Variants in P3H2 observed in about 807,000 individuals in gnomAD.
The protein encoded by P3H2 is prolyl 3-hydroxylase 2, also known as leprecan-like 1.
P3H2 carries 80 observed loss-of-function variants against 87.0 expected under a neutral mutation model. That is an observed-to-expected ratio of 0.92 (90% CI 0.77 to 1.11). The LOEUF (loss-of-function observed/expected upper bound fraction) is 1.11, where lower values mean the gene tolerates loss of function less well. P3H2 is among the 50% of genes least tolerant of loss of function. The pLI, the probability that P3H2 is intolerant of heterozygous loss-of-function variation, is 0.00. For missense variants in P3H2, 1,001 were observed against 923.9 expected (o/e 1.08, Z -1.08); for synonymous variants, 367 against 359.3 (o/e 1.02, Z -0.24).
rs181833372 is a variant in P3H2, at chr3:189,969,230, C to G, written c.1893+1586G>C. ...TAATCTGTCACCATGGCAATACTCGCATAACAAATTCCAGCCTCTTTAGTG... is the reference window on the plus strand; with the variant it reads ...TAATCTGTCACCATGGCAATACTCGGATAACAAATTCCAGCCTCTTTAGTG... On this transcript the variant is annotated intron_variant, in intron 13 of 14. Transcript: ENST00000319332. The G allele has an allele frequency of 2.0e-4, 154 of 756,682 alleles. 1 individual carries two copies. The highest frequency in any genetic ancestry group is 1.4e-3 in the Admixed American group (82 of 56,956). The allele number at this position is 756,682 out of a possible 1,614,324, so 46.9% of individuals were successfully genotyped here.
intron 1 of P3H2, among the ~76,000 whole-genome samples, chr3:190,108,043 G>A (rs546839272): frequency 2.0e-5 from 3 of 151,842 alleles, no homozygotes; most frequent in Non-Finnish European, 4.4e-5. Context: ...CTGGACTCAA[G>A]CAATCTTCCA....
In P3H2 at chr3:189,970,819, C is replaced by A; in HGVS notation, c.1890G>T (p.Val630=). 1 of 1,568,084 alleles carries A rather than the reference C, an allele frequency of 6.4e-7. No individual in the cohort carries two copies. The highest frequency in any genetic ancestry group is 1.1e-5 in the South Asian group (1 of 90,136). The change falls in exon 13 of 15, where the codon GTG becomes GTT. Residue 630 remains valine (V), a synonymous_variant. Transcript: ENST00000319332. ...ATTCAAGAATAGGTTTACTTACAGT[C>A]ACAGTCTTAGCATCCATCTCTGTGA... The part of the protein sequence containing the change: ...FIFTEMDAKT[V]TASIKPKCGR...
Position 189,973,202 on chromosome 3 carries a change from C to T in P3H2, c.1549-178G>A, listed in dbSNP as rs77261247. 792 of 603,314 alleles carry T rather than the reference C, an allele frequency of 1.3e-3. 3 individuals carry two copies. Among genetic ancestry groups the T allele is most frequent in the African/African-American group, 0.013 (694 of 54,008 alleles). The allele number at this position is 603,314 out of a possible 1,614,324, so 37.4% of individuals were successfully genotyped here. A position where few individuals can be genotyped will look rare whatever the true frequency, so the allele number is the denominator to read the frequency against. On this transcript the variant is annotated intron_variant, in intron 10 of 14. Coordinates refer to ENST00000319332, the MANE Select transcript of P3H2 (RefSeq NM_018192.4). ...CATTGTGCCATTGGAATAAACTCTT[C>T]CCAATAACAGATGGAAAGCTAAAAG... is the stretch of plus-strand genomic sequence containing the variant.
chr3:189,965,846 T>C (rs1166064069), intron 13 of P3H2, among the ~76,000 whole-genome samples: 1 of 150,690 alleles, frequency 6.6e-6, no homozygotes, highest in East Asian at 2.0e-4. Context: ...ATTAGCCAGA[T>C]GTGTTGGTGG....
chr3:190,052,877 G>A (rs1726027549), intron 1 of P3H2, among the ~76,000 whole-genome samples: 2 of 152,114 alleles, frequency 1.3e-5, no homozygotes, highest in South Asian at 4.1e-4. Flanking sequence ...CTCCCTAAAA[G>A]TTTCCGTGTG....
chr3:190,096,102 G>A (rs900042518), intron 1 of P3H2, among the ~76,000 whole-genome samples: 2 of 152,132 alleles, frequency 1.3e-5, no homozygotes, highest in Middle Eastern at 3.2e-3. Context: ...TGTACACAGA[G>A]CACAAACAGA....
At chr3:190,117,080 A>G (rs1373342310) in intron 1 of P3H2, among the ~76,000 whole-genome samples, 1 of 152,248 alleles carries the variant, frequency 6.6e-6, no homozygotes, top group Admixed American at 6.5e-5. Flanking sequence ...CAGGAAAGCT[A>G]TCGGAATCAG....
intron 1 of P3H2, among the ~76,000 whole-genome samples, chr3:190,018,216 C>G (rs773445207): frequency 6.6e-6 from 1 of 152,210 alleles, no homozygotes; most frequent in Non-Finnish European, 1.5e-5. Flanking sequence ...GAACTAATCA[C>G]TCACATTTGC....
intron 10 of P3H2, among the ~76,000 whole-genome samples, 172 bp downstream of exon 10, chr3:189,973,737 G>T (rs1413988264): frequency 6.7e-6 from 1 of 150,368 alleles, no homozygotes; most frequent in African/African-American, 2.4e-5. Flanking sequence ...TGTTAGCCAG[G>T]GTGGTCTCGA....
chr3:190,100,462 A>T (rs903787910), intron 1 of P3H2, among the ~76,000 whole-genome samples: 14 of 152,178 alleles, frequency 9.2e-5, no homozygotes, highest in African/African-American at 3.4e-4. Flanking sequence ...CATTTAATAA[A>T]TTTTTTTATC....
rs566607373 is a variant in P3H2 at position 189,964,468 on chromosome 3, G to A, written c.1894-370C>T. Among the ~76,000 whole-genome samples the A allele has an allele frequency of 1.5e-4, 23 of 152,320 alleles. No homozygotes were observed. The South Asian group carries it at 4.6e-3, about 30-fold the overall frequency. On this transcript the variant is annotated intron_variant, in intron 13 of 14. Coordinates refer to ENST00000319332, the MANE Select transcript of P3H2 (RefSeq NM_018192.4). ...CAAAGCATCCGGATACAAGGTAGGT[G>A]TCCATTCCATACTTGTGTAATTAAC...
chr3:189,997,759 G>A (rs1724092802), intron 1 of P3H2, among the ~76,000 whole-genome samples: 1 of 152,106 alleles, frequency 6.6e-6, no homozygotes, highest in Non-Finnish European at 1.5e-5. Context: ...TATTTTGACT[G>A]TCAAAATCAC....
chr3:190,022,656 A>T (rs1439009685), intron 1 of P3H2, among the ~76,000 whole-genome samples: 1 of 81,410 alleles, frequency 1.2e-5, no homozygotes, highest in Non-Finnish European at 3.0e-5. Flanking sequence ...AAATGCCTTC[A>T]GAGGCGAGGC....
intron 13 of P3H2, among the ~76,000 whole-genome samples, chr3:189,965,316 G>C (rs377402474): frequency 6.6e-6 from 1 of 152,220 alleles, no homozygotes; most frequent in East Asian, 1.9e-4. Flanking sequence ...GGTAGGTGGA[G>C]GAGTCGGAAA....
At chr3:190,115,054 C>T (rs1168813920) in intron 1 of P3H2, among the ~76,000 whole-genome samples, 1 of 152,030 alleles carries the variant, frequency 6.6e-6, no homozygotes, top group Non-Finnish European at 1.5e-5. Flanking sequence ...TTTGTTTTCC[C>T]CTAGGAACCA....
chr3:190,005,035 A>C (rs1050674531), intron 1 of P3H2, among the ~76,000 whole-genome samples: 2 of 152,210 alleles, frequency 1.3e-5, no homozygotes, highest in African/African-American at 4.8e-5. Context: ...GTCAAAAATC[A>C]TATGTCACAA....
At chr3:190,013,560 A>G (rs906138734) in intron 1 of P3H2, among the ~76,000 whole-genome samples, 6 of 152,244 alleles carry the variant, frequency 3.9e-5, no homozygotes, top group Non-Finnish European at 7.3e-5. Context: ...CACATAGGAC[A>G]GGGCAAGGGT....
chr3:190,023,947 T>C (rs1725008595), intron 1 of P3H2, among the ~76,000 whole-genome samples: 1 of 152,186 alleles, frequency 6.6e-6, no homozygotes, highest in African/African-American at 2.4e-5. Context: ...CCACTACACA[T>C]TACTGGTGAG....
Position 189,962,161 on chromosome 3 carries a change from C to CTTTTTTTTTTT in P3H2, c.2034+1786_2034+1796dup, listed in dbSNP as rs770628547. 1.1e-3 allele frequency among the ~76,000 whole-genome samples: 97 copies of CTTTTTTTTTTT among 87,606 alleles called. 3 individuals are homozygous for CTTTTTTTTTTT. Among genetic ancestry groups the CTTTTTTTTTTT allele is most frequent in the African/African-American group, 3.4e-3 (73 of 21,174 alleles). The allele number at this position is 87,606 out of a possible 152,430, so 57.5% of individuals were successfully genotyped here. ...GCCTTTCTTTCTTTTTCTTCTTCTT[C>CTTTTTTTTTTT]TTTTTTTTTTTTTTTTTTTTTTTTA... On this transcript the variant is annotated intron_variant, in intron 14 of 14. Transcript: ENST00000319332.
Sources: gnomAD v4.1 joint callset for allele counts (sites outside exome capture counted in the v4.1 genomes callset) on GRCh38, gnomAD v4.1.1 for gene constraint, MANE v1.5 for transcripts, NCBI Gene and HGNC (gene_info 2026-07-23, HGNC 2026-07-21) for gene names.